The following RBMS3 variants were observed in gnomAD, a reference collection of about 807,000 sequenced individuals.
The protein encoded by RBMS3 is RNA binding motif single stranded interacting protein 3.
RBMS3 carries 27 observed loss-of-function variants against 66.8 expected under a neutral mutation model. That is an observed-to-expected ratio of 0.40 (90% confidence interval 0.30 to 0.56). The LOEUF (loss-of-function observed/expected upper bound fraction) is 0.56, where lower values mean the gene tolerates loss of function less well. Among genes scored for constraint, RBMS3 ranks in the 20% least tolerant of loss-of-function variants. The pLI, the probability that RBMS3 is intolerant of heterozygous loss-of-function variation, is 0.40. For synonymous variants in RBMS3, 188 were observed against 183.0 expected (o/e 1.03, Z -0.22); for missense variants, 513 against 549.5 (o/e 0.93, Z 0.66).
chr3:29,645,190 G>A (rs955103725), intron 4 of RBMS3, among the ~76,000 whole-genome samples: 1 of 152,182 alleles, frequency 6.6e-6, no homozygotes, highest in Non-Finnish European at 1.5e-5. Flanking sequence ...TTAAGAGCTT[G>A]TTTGAGCAAT....
chr3:29,433,234 C>T (rs1006859834), intron 1 of RBMS3, among the ~76,000 whole-genome samples: 3 of 151,938 alleles, frequency 2.0e-5, no homozygotes, highest in Admixed American at 2.0e-4. Context: ...CATCTGAATA[C>T]TTACTTGCTA....
intron 14 of RBMS3, among the ~76,000 whole-genome samples, chr3:30,001,347 CTCTAAAATAGATT>C: frequency 6.6e-6 from 1 of 152,174 alleles, no homozygotes; most frequent in African/African-American, 2.4e-5. Context: ...CTTCCTCCTC[CTCTAAAATAGATT>C]TCTAAGATTA....
chr3:29,918,321 TA>T (rs535805100), intron 10 of RBMS3, among the ~76,000 whole-genome samples: 93 of 152,260 alleles, frequency 6.1e-4, no homozygotes, highest in African/African-American at 2.0e-3. Flanking sequence ...TGAAGTAAGA[TA>T]TTTTTTAATA....
At chr3:29,741,407 A>G (rs934339278) in intron 5 of RBMS3, among the ~76,000 whole-genome samples, 24 of 152,168 alleles carry the variant, frequency 1.6e-4, no homozygotes, top group African/African-American at 5.5e-4. Context: ...TCATTCTTAT[A>G]TAGTGTGCAA....
At chr3:29,587,867 T>C (rs2047589323) in intron 4 of RBMS3, among the ~76,000 whole-genome samples, 1 of 152,064 alleles carries the variant, frequency 6.6e-6, no homozygotes, top group Non-Finnish European at 1.5e-5. Flanking sequence ...TAGAACCTTC[T>C]ACCTGAAACT....
chr3:29,628,267 A>G (rs2049145064), intron 4 of RBMS3, among the ~76,000 whole-genome samples: 1 of 152,180 alleles, frequency 6.6e-6, no homozygotes, highest in Admixed American at 6.5e-5. Context: ...ACAATTTAAA[A>G]AATGGGCTGA....
chr3:29,334,469 G>T (rs1196263637), intron 1 of RBMS3, among the ~76,000 whole-genome samples: 1 of 152,044 alleles, frequency 6.6e-6, no homozygotes, highest in Non-Finnish European at 1.5e-5. Context: ...ATATTTTTAA[G>T]AAACAGTGTT....
chr3:29,992,707 G>A (rs1000464398), intron 14 of RBMS3, among the ~76,000 whole-genome samples: 9 of 152,150 alleles, frequency 5.9e-5, no homozygotes, highest in African/African-American at 2.2e-4. Context: ...CCAACAAGCC[G>A]AGTGAGGGGG....
At chr3:29,842,291 CT>C (rs2058679769) in intron 6 of RBMS3, among the ~76,000 whole-genome samples, 1 of 152,100 alleles carries the variant, frequency 6.6e-6, no homozygotes, top group East Asian at 1.9e-4. Context: ...AAGAAAGCTA[CT>C]CCTGAAACTT....
intron 6 of RBMS3, among the ~76,000 whole-genome samples, chr3:29,838,679 T>A (rs1295721883): frequency 1.3e-5 from 2 of 152,172 alleles, no homozygotes; most frequent in African/African-American, 4.8e-5. Context: ...TAAGTCTGAT[T>A]TAGTCAATTA....
At chr3:29,940,843 T>A (rs2061377477) in intron 11 of RBMS3, among the ~76,000 whole-genome samples, 1 of 151,826 alleles carries the variant, frequency 6.6e-6, no homozygotes, top group East Asian at 1.9e-4. Flanking sequence ...TTCCTAGCTT[T>A]TCTACTTTTG....
At chr3:29,456,516 C>T (rs9824170) in intron 2 of RBMS3, among the ~76,000 whole-genome samples, 47,104 of 152,048 alleles carry the variant, frequency 0.31, 7,990 homozygotes, top group East Asian at 0.5. Flanking sequence ...GCAATTTATC[C>T]AATCCACTGT....
intron 6 of RBMS3, among the ~76,000 whole-genome samples, chr3:29,865,484 G>A (rs10514683): frequency 6.6e-6 from 1 of 152,116 alleles, no homozygotes; most frequent in Non-Finnish European, 1.5e-5. Context: ...GTAGCCACTG[G>A]TCAATGTGTT....
At chr3:29,284,989 A>C (rs1370435633) in intron 1 of RBMS3, among the ~76,000 whole-genome samples, 2 of 150,954 alleles carry the variant, frequency 1.3e-5, no homozygotes, top group Non-Finnish European at 3.0e-5. Context: ...CGGATGAAAA[A>C]ATAGTTTATC....
intron 4 of RBMS3, among the ~76,000 whole-genome samples, chr3:29,732,377 T>C (rs1011103334): frequency 3.9e-5 from 6 of 152,216 alleles, no homozygotes; most frequent in African/African-American, 1.4e-4. Context: ...CCACCCACAT[T>C]GAGGAGAGCA....
chr3:29,311,806 G>A (rs774023410), intron 1 of RBMS3, among the ~76,000 whole-genome samples: 1 of 151,680 alleles, frequency 6.6e-6, no homozygotes, highest in Non-Finnish European at 1.5e-5. Flanking sequence ...AGGAATAAGG[G>A]TATGAAGAAA....
At chr3:29,942,898 G>A (rs1323613120) in intron 11 of RBMS3, among the ~76,000 whole-genome samples, 2 of 150,892 alleles carry the variant, frequency 1.3e-5, no homozygotes, top group African/African-American at 4.9e-5. Flanking sequence ...TAAAAAATTG[G>A]AAAAACTTTT....
intron 2 of RBMS3, among the ~76,000 whole-genome samples, chr3:29,474,034 C>A (rs900164715): frequency 1.3e-5 from 2 of 152,266 alleles, no homozygotes; most frequent in Admixed American, 1.3e-4. Flanking sequence ...CGAGCAAGGG[C>A]TGCGAGGGCT....
At chr3:29,848,488 G>A (rs1156885250) in intron 6 of RBMS3, among the ~76,000 whole-genome samples, 1 of 152,036 alleles carries the variant, frequency 6.6e-6, no homozygotes, top group Non-Finnish European at 1.5e-5. Flanking sequence ...AAAACTTGGG[G>A]AATCCAACAA....
Sources: gnomAD v4.1 joint callset for allele counts (sites outside exome capture counted in the v4.1 genomes callset) on GRCh38, gnomAD v4.1.1 for gene constraint, MANE v1.5 for transcripts, NCBI Gene and HGNC (gene_info 2026-07-23, HGNC 2026-07-21) for gene names.